SAMMSON: variants seen among roughly 807,000 people sequenced by gnomAD.
The protein encoded by SAMMSON is survival associated mitochondrial melanoma specific oncogenic non-coding RNA.
intron 4 of SAMMSON, among the ~76,000 whole-genome samples, chr3:70,104,318 A>G (rs2067358523): frequency 6.6e-6 from 1 of 151,870 alleles, no homozygotes; most frequent in East Asian, 1.9e-4. Context: ...AACTTCTCCA[A>G]GTCTCAATTT....
chr3:70,346,767 C>T (rs988122960), intron 7 of SAMMSON, among the ~76,000 whole-genome samples: 2 of 152,064 alleles, frequency 1.3e-5, no homozygotes, highest in Admixed American at 1.3e-4. Context: ...AGATGTATTA[C>T]AGTTTTTGTT....
intron 7 of SAMMSON, among the ~76,000 whole-genome samples, chr3:70,337,998 C>T (rs894009972): frequency 1.3e-5 from 2 of 151,484 alleles, no homozygotes; most frequent in Non-Finnish European, 1.5e-5. Flanking sequence ...GCAGATTTCC[C>T]AATGTGTAAA....
At chr3:70,180,736 C>T (rs1208202677) in intron 4 of SAMMSON, among the ~76,000 whole-genome samples, 1 of 152,254 alleles carries the variant, frequency 6.6e-6, no homozygotes, top group South Asian at 2.1e-4. Context: ...ATATCTGGGC[C>T]AACAATGGGA....
At chr3:70,298,325 A>C (rs1175734485) in intron 7 of SAMMSON, among the ~76,000 whole-genome samples, 2 of 152,136 alleles carry the variant, frequency 1.3e-5, no homozygotes, top group Non-Finnish European at 2.9e-5. Context: ...AAAGATAAGC[A>C]AACAAAATAA....
At chr3:70,019,573 C>G (rs753715936) in intron 3 of SAMMSON, among the ~76,000 whole-genome samples, 14 of 152,076 alleles carry the variant, frequency 9.2e-5, no homozygotes, top group Non-Finnish European at 1.8e-4. Context: ...GAGCATTTAG[C>G]CCATTTACAG....
At chr3:70,275,367 T>C (rs757209347) in intron 6 of SAMMSON, among the ~76,000 whole-genome samples, 3 of 151,896 alleles carry the variant, frequency 2.0e-5, no homozygotes, top group Non-Finnish European at 4.4e-5. Flanking sequence ...AGAAAAAAAT[T>C]AGTTGGGTGT....
At chr3:70,132,110 G>A (rs923376518) in intron 4 of SAMMSON, among the ~76,000 whole-genome samples, 3 of 152,130 alleles carry the variant, frequency 2.0e-5, no homozygotes, top group Admixed American at 6.5e-5. Flanking sequence ...ACTAAACACC[G>A]TTAGGCTTTC....
intron 6 of SAMMSON, among the ~76,000 whole-genome samples, chr3:70,274,634 G>A (rs1211919901): frequency 1.3e-5 from 2 of 152,110 alleles, no homozygotes; most frequent in East Asian, 1.9e-4. Context: ...TGTTGGGGAT[G>A]GAGCGGTGGG....
At chr3:70,223,961 A>G (rs904234960) in intron 4 of SAMMSON, among the ~76,000 whole-genome samples, 5 of 151,908 alleles carry the variant, frequency 3.3e-5, no homozygotes, top group South Asian at 2.1e-4. Flanking sequence ...TTTCTTGACT[A>G]TAACCTGATA....
Position 70,079,694 on chromosome 3 carries a change from A to G in SAMMSON, n.507+8129A>G, listed in dbSNP as rs117700341. 1.4e-3 allele frequency among the ~76,000 whole-genome samples: 218 copies of G among 152,326 alleles called. 8 individuals are homozygous for G. The East Asian group carries it at 0.038, about 26-fold the overall frequency. ...GGCTATGATGTTTGGTAGGTTAGGC[A>G]TATTAAATGCATTTTTGACTTACGG... On this transcript the variant is annotated intron_variant and non_coding_transcript_variant, in intron 4 of 9. Transcript: ENST00000642114.
At chr3:70,135,249 T>C (rs896385792) in intron 4 of SAMMSON, among the ~76,000 whole-genome samples, 2 of 152,190 alleles carry the variant, frequency 1.3e-5, no homozygotes, top group Admixed American at 6.5e-5. Flanking sequence ...CTATTACCAC[T>C]GTTGATGTAC....
chr3:70,412,485 A>C (rs1283997480), intron 2 of SAMMSON, among the ~76,000 whole-genome samples: 4 of 152,212 alleles, frequency 2.6e-5, no homozygotes, highest in African/African-American at 9.6e-5. Context: ...AAGAGTTGTC[A>C]GTTTACTAAG....
At chr3:70,133,870 G>A (rs1159837913) in intron 4 of SAMMSON, among the ~76,000 whole-genome samples, 1 of 152,054 alleles carries the variant, frequency 6.6e-6, no homozygotes, top group Admixed American at 6.5e-5. Context: ...AAGAATCCAG[G>A]CTTTGGGTTC....
intron 4 of SAMMSON, among the ~76,000 whole-genome samples, chr3:70,092,148 C>T (rs751298512): frequency 6.6e-6 from 1 of 151,846 alleles, no homozygotes; most frequent in Non-Finnish European, 1.5e-5. Flanking sequence ...TGCCTGTATG[C>T]GAAGTGATAC....
intron 6 of SAMMSON, among the ~76,000 whole-genome samples, chr3:70,289,787 C>G (rs567784415): frequency 6.6e-6 from 1 of 152,106 alleles, no homozygotes; most frequent in Admixed American, 6.5e-5. Flanking sequence ...CTAAACTTTC[C>G]TTCTCGCTTC....
At chr3:70,085,141 A>G (rs1411907215) in intron 4 of SAMMSON, among the ~76,000 whole-genome samples, 1 of 152,204 alleles carries the variant, frequency 6.6e-6, no homozygotes, top group East Asian at 1.9e-4. Flanking sequence ...TAGAGTGGGC[A>G]CCTTTTCCAA....
At chr3:70,428,012 T>C (rs1368445531) in intron 2 of SAMMSON, among the ~76,000 whole-genome samples, 2 of 152,150 alleles carry the variant, frequency 1.3e-5, no homozygotes, top group Admixed American at 6.6e-5. Flanking sequence ...GTACAAAATA[T>C]ATTAAAATAC....
chr3:70,421,108 CAAGAAAAGATCTTCCA>C (rs1012836869), intron 2 of SAMMSON, among the ~76,000 whole-genome samples: 56 of 152,148 alleles, frequency 3.7e-4, no homozygotes, highest in African/African-American at 1.3e-3. Flanking sequence ...CTCCCCTAAA[CAAGAAAAGATCTTCCA>C]AAGAAATGGG....
intron 7 of SAMMSON, among the ~76,000 whole-genome samples, chr3:70,294,492 G>T (rs1217020567): frequency 6.6e-6 from 1 of 152,068 alleles, no homozygotes; most frequent in Non-Finnish European, 1.5e-5. Context: ...AGGAGAAAGA[G>T]ATCCCAAAAA....
Sources: gnomAD v4.1 joint callset for allele counts (sites outside exome capture counted in the v4.1 genomes callset) on GRCh38, gnomAD v4.1.1 for gene constraint, MANE v1.5 for transcripts, NCBI Gene and HGNC (gene_info 2026-07-23, HGNC 2026-07-21) for gene names.